The following UBR7 variants were observed in gnomAD, a reference collection of about 807,000 sequenced individuals.
UBR7 encodes ubiquitin protein ligase E3 component n-recognin 7, also known as putative E3 ubiquitin-protein ligase UBR7.
In UBR7, 22 loss-of-function variants were observed where a neutral mutation model predicts 57.0. The observed-to-expected ratio is 0.39, with a 90% CI of 0.28 to 0.55. The LOEUF (loss-of-function observed/expected upper bound fraction) is 0.55. Among genes scored for constraint, UBR7 ranks in the 20% least tolerant of loss-of-function variants. The pLI is 0.69. For synonymous variants in UBR7, 167 were observed against 179.8 expected (o/e 0.93, Z 0.57); for missense variants, 395 against 513.2 (o/e 0.77, Z 2.23).
In UBR7 at chr14:93,212,119, G is replaced by GA. The variant is rs753434816; in HGVS notation, c.435dup (p.Asp146ArgfsTer6). On this transcript the variant is annotated frameshift_variant, in exon 4 of 11. Transcript: ENST00000013070. LOFTEE classifies it high-confidence loss of function. ...TTGCAAGAGACCTTATCCTGATCCT[G>GA]AAGACGAGGTAAGAGAATTGGAAGT... 1 of 1,610,922 alleles carries GA rather than the reference G, an allele frequency of 6.2e-7. No homozygotes were observed. The highest frequency in any genetic ancestry group is 1.1e-5 in the South Asian group (1 of 90,644).
At chr14:93,215,077 A>G in intron 5 of UBR7, 95 bp downstream of exon 5, 1 of 1,411,882 alleles carries the variant, frequency 7.1e-7, no homozygotes, top group African/African-American at 1.4e-5. Flanking sequence ...AATAAATTCT[A>G]ATGATATGAT....
intron 10 of UBR7, among the ~76,000 whole-genome samples, chr14:93,224,638 A>C (rs966136062): frequency 3.9e-5 from 6 of 152,108 alleles, no homozygotes; most frequent in African/African-American, 1.4e-4. Flanking sequence ...TGGCCTCCCA[A>C]AGTGCTGGGA....
chr14:93,218,805 C>T, intron 7 of UBR7, 70 bp downstream of exon 7: 1 of 1,526,700 alleles, frequency 6.6e-7, no homozygotes, highest in Non-Finnish European at 8.9e-7. Flanking sequence ...CCCATAATCC[C>T]AGCACTTTGG....
In UBR7 at chr14:93,228,811, T is replaced by C. The variant is rs1366497987; in HGVS notation, c.*1776T>C. On this transcript the variant is annotated 3_prime_UTR_variant, in exon 11 of 11. Coordinates refer to ENST00000013070, the MANE Select transcript of UBR7 (RefSeq NM_175748.4). ...AATCTTCTCAAATATCTGATGTAAC[T>C]ACCAGAAAGTCCCTTACTTCCTATG... 2.2e-6 allele frequency: 1 copy of C among 454,040 alleles called. No homozygotes were observed. The highest frequency in any genetic ancestry group is 4.4e-6 in the Non-Finnish European group (1 of 226,806). 28.1% of individuals were successfully genotyped at this position (454,040 alleles called of 1,614,324 possible). A position where few individuals can be genotyped will look rare whatever the true frequency, so the allele number is the denominator to read the frequency against.
chr14:93,215,429 T>A, intron 6 of UBR7, 148 bp downstream of exon 6: 1 of 780,164 alleles, frequency 1.3e-6, no homozygotes, highest in Non-Finnish European at 2.2e-6. Context: ...CTCACGCCTG[T>A]AATCCCAGCA....
intron 10 of UBR7, among the ~76,000 whole-genome samples, chr14:93,225,671 A>G (rs1024869974): frequency 1.3e-5 from 2 of 152,028 alleles, no homozygotes; most frequent in African/African-American, 4.8e-5. Context: ...GAAACTACAC[A>G]TTTTCTGAAA....
intron 10 of UBR7, among the ~76,000 whole-genome samples, 193 bp from the exon 11 acceptor site, chr14:93,226,750 G>A (rs1032930249): frequency 3.4e-5 from 5 of 146,584 alleles, no homozygotes; most frequent in African/African-American, 1.3e-4. Context: ...CCGAGATCGT[G>A]CCACTGCACT....
intron 2 of UBR7, 60 bp from the exon 3 acceptor site, chr14:93,210,588 A>T: frequency 6.9e-7 from 1 of 1,458,014 alleles, no homozygotes; most frequent in South Asian, 1.2e-5. Context: ...ATGCTTGAAG[A>T]AATTTTAAAT....
intron 10 of UBR7, chr14:93,224,038 C>T (rs1276654686): frequency 5.1e-6 from 5 of 975,750 alleles, no homozygotes; most frequent in East Asian, 2.4e-5. Flanking sequence ...CGTGATTAGG[C>T]GCAAAGATTC....
Position 93,228,771 on chromosome 14 carries a change from G to A in UBR7, c.*1736G>A, listed in dbSNP as rs1566826761. ...GGTTGCACTATTAGTATACCATCAT[G>A]TCCGGAAAACTTTTAATCTTCTCAA... On this transcript the variant is annotated 3_prime_UTR_variant, in exon 11 of 11. Transcript: ENST00000013070. 3 of 453,988 alleles carry A rather than the reference G, an allele frequency of 6.6e-6. No individual in the cohort carries two copies. The highest frequency in any genetic ancestry group is 4.0e-5 in the African/African-American group (2 of 49,998). The allele number at this position is 453,988 out of a possible 1,614,324, so 28.1% of individuals were successfully genotyped here.
At position 93,207,485 on chromosome 14, in the gene UBR7, A is replaced by T. The variant is rs1304197679; in HGVS notation, c.150+44A>T. The T allele has an allele frequency of 3.3e-6, 5 of 1,495,906 alleles. No individual in the cohort carries two copies. The Admixed American group carries it at 1.2e-4, about 36-fold the overall frequency. The allele number at this position is 1,495,906 out of a possible 1,614,324, so 92.7% of individuals were successfully genotyped here. A position where few individuals can be genotyped will look rare whatever the true frequency, so the allele number is the denominator to read the frequency against. On this transcript the variant is annotated intron_variant, in intron 1 of 10. Coordinates refer to ENST00000013070, the MANE Select transcript of UBR7 (RefSeq NM_175748.4). The stretch of plus-strand genomic sequence containing the variant: ...CCTCCTCTCCCCCGGCTCCCGCCGA[A>T]CCTCCCCTTCCCGGCCCGGCTGTCC...
At chr14:93,225,920 G>T (rs568729753) in intron 10 of UBR7, among the ~76,000 whole-genome samples, 14 of 152,230 alleles carry the variant, frequency 9.2e-5, no homozygotes, top group Middle Eastern at 6.8e-3. Context: ...TTTGCAACTT[G>T]CAAGTATCCT....
At chr14:93,226,867 G>C (rs1894864137) in intron 10 of UBR7, 76 bp from the exon 11 acceptor site, 8 of 936,938 alleles carry the variant, frequency 8.5e-6, no homozygotes, top group Non-Finnish European at 1.4e-5. Flanking sequence ...CATTTGACTT[G>C]TTTGTGAATG....
rs1293392731 is a variant in UBR7 at position 93,227,489 on chromosome 14, GTGCCTTGGGTCAAAGC to G, written c.*456_*471del. 1 of 695,048 alleles carries G rather than the reference GTGCCTTGGGTCAAAGC, an allele frequency of 1.4e-6. No homozygotes were observed. Among genetic ancestry groups the G allele is most frequent in the African/African-American group, 1.7e-5 (1 of 57,152 alleles). The allele number at this position is 695,048 out of a possible 1,614,324, so 43.1% of individuals were successfully genotyped here. On this transcript the variant is annotated 3_prime_UTR_variant, in exon 11 of 11. Transcript: ENST00000013070. ...AGGTCCCCTCGCCCCTATGATCGTG[GTGCCTTGGGTCAAAGC>G]TTCCTCAAGCCTGGTCTGCTCCTTC...
chr14:93,207,319 C>T lies in UBR7; in HGVS notation c.28C>T (p.Arg10Trp). The T allele has an allele frequency of 1.3e-6, 2 of 1,558,012 alleles. No individual in the cohort carries two copies. The highest frequency in any genetic ancestry group is 1.7e-6 in the Non-Finnish European group (2 of 1,150,598). ...GGCCGGAGCCGAGGGCGCCGCTGGG[C>T]GGCAGTCGGAGCTGGAGCCCGTGGT... Reference protein sequence around the residue: MAGAEGAAGRQSELEPVVSL... With the variant: MAGAEGAAGWQSELEPVVSL... The change falls in exon 1 of 11, where the codon CGG becomes TGG. Residue 10 changes from arginine (R) to tryptophan (W), a missense_variant. Arg to Trp is a moderately radical substitution (Grantham distance 101). Coordinates refer to ENST00000013070, the MANE Select transcript of UBR7 (RefSeq NM_175748.4).
chr14:93,216,657 C>A (rs893741012), intron 6 of UBR7, among the ~76,000 whole-genome samples: 3 of 149,766 alleles, frequency 2.0e-5, no homozygotes, highest in African/African-American at 7.4e-5. Flanking sequence ...ACTGTGTTAT[C>A]CAGGCTGGAG....
At chr14:93,207,573 C>G in intron 1 of UBR7, 132 bp downstream of exon 1, 1 of 1,257,840 alleles carries the variant, frequency 8.0e-7, no homozygotes, top group Non-Finnish European at 1.1e-6. Flanking sequence ...TAGTCTGCCG[C>G]TTCCTCACCC....
In UBR7 at chr14:93,228,362, C is replaced by T. The variant is rs1894912632; in HGVS notation, c.*1327C>T. 1 of 454,742 alleles carries T rather than the reference C, an allele frequency of 2.2e-6. No individual in the cohort carries two copies. The allele number at this position is 454,742 out of a possible 1,614,324, so 28.2% of individuals were successfully genotyped here. A position where few individuals can be genotyped will look rare whatever the true frequency, so the allele number is the denominator to read the frequency against. On this transcript the variant is annotated 3_prime_UTR_variant, in exon 11 of 11. Coordinates refer to ENST00000013070, the MANE Select transcript of UBR7 (RefSeq NM_175748.4). ...TCTGGAGGACCAAGGTCTTTCCTGA[C>T]AGTCGGAGACACACCTTGATGTATG...
At chr14:93,210,006 C>G in intron 2 of UBR7, 49 bp downstream of exon 2, 1 of 1,599,286 alleles carries the variant, frequency 6.3e-7, no homozygotes, top group Non-Finnish European at 8.6e-7. Context: ...AGTATAGATT[C>G]TTTCCCATCT....
Sources: gnomAD v4.1 joint callset for allele counts (sites outside exome capture counted in the v4.1 genomes callset) on GRCh38, gnomAD v4.1.1 for gene constraint, MANE v1.5 for transcripts, NCBI Gene and HGNC (gene_info 2026-07-23, HGNC 2026-07-21) for gene names.